Variants in HNRNPM observed in about 807,000 individuals in gnomAD.
HNRNPM encodes heterogeneous nuclear ribonucleoprotein M, also known as CEA receptor.
HNRNPM carries 11 observed loss-of-function variants against 73.1 expected under a neutral mutation model. The observed-to-expected ratio is 0.15, with a 90% CI of 0.09 to 0.25. HNRNPM has a LOEUF of 0.25. HNRNPM is among the 10% of genes least tolerant of loss of function. The probability of loss-of-function intolerance (pLI) is 1.00; values close to 1 mark genes in which losing one functional copy is unlikely to be tolerated. For synonymous variants in HNRNPM, 407 were observed against 355.2 expected (o/e 1.15, Z -1.64); for missense variants, 789 against 1,067.9 (o/e 0.74, Z 3.64).
At chr19:8,470,558 C>T (rs1228722546) in intron 9 of HNRNPM, among the ~76,000 whole-genome samples, 4 of 152,172 alleles carry the variant, frequency 2.6e-5, no homozygotes, top group African/African-American at 9.7e-5. Context: ...GAACTCCTGA[C>T]CTCACGTGAT....
At chr19:8,450,727 A>ATTTT (rs770745543) in intron 1 of HNRNPM, among the ~76,000 whole-genome samples, 170 of 125,392 alleles carry the variant, frequency 1.4e-3, no homozygotes, top group South Asian at 5.6e-3. Context: ...TATTATTATT[A>ATTTT]TTTTTTTTTT....
intron 5 of HNRNPM, 37 bp downstream of exon 5, chr19:8,463,723 A>T: frequency 7.5e-7 from 1 of 1,341,764 alleles, no homozygotes. Context: ...ACTGTGTGTA[A>T]TTGTTGAGTG....
intron 2 of HNRNPM, among the ~76,000 whole-genome samples, chr19:8,456,790 A>G (rs72998787): frequency 2.0e-4 from 30 of 152,328 alleles, no homozygotes; most frequent in Non-Finnish European, 3.8e-4. Flanking sequence ...GCATTTCTCC[A>G]GATAACACAG....
chr19:8,475,815 C>T (rs1171862460), intron 12 of HNRNPM, among the ~76,000 whole-genome samples: 1 of 151,878 alleles, frequency 6.6e-6, no homozygotes, highest in Non-Finnish European at 1.5e-5. Flanking sequence ...CGCCTGTAAT[C>T]CCAACACTTT....
At chr19:8,455,640 T>C in intron 2 of HNRNPM, 66 bp downstream of exon 2, 6 of 1,359,920 alleles carry the variant, frequency 4.4e-6, no homozygotes, top group Non-Finnish European at 6.2e-6. Flanking sequence ...GGCTAATTCC[T>C]TGGTTATTTT....
Position 8,466,598 on chromosome 19 carries a change from C to T in HNRNPM, c.784+210C>T, listed in dbSNP as rs560991385. On this transcript the variant is annotated intron_variant, in intron 7 of 15. Coordinates refer to ENST00000325495, the MANE Select transcript of HNRNPM (RefSeq NM_005968.5). ...ATCCCAGCACTTCGGGAGGCCAAGG[C>T]GGGCGGATCACTTGAGGTCAGTTCG... is the stretch of plus-strand genomic sequence containing the variant. Among the ~76,000 whole-genome samples the T allele has an allele frequency of 3.0e-4, 45 of 152,078 alleles. 1 individual carries two copies. Among genetic ancestry groups the T allele is most frequent in the Admixed American group, 2.0e-4 (3 of 15,284 alleles).
At chr19:8,477,561 A>G (rs1333419091) in intron 12 of HNRNPM, among the ~76,000 whole-genome samples, 1 of 149,818 alleles carries the variant, frequency 6.7e-6, no homozygotes, top group Non-Finnish European at 1.5e-5. Flanking sequence ...CTCAGGTGGG[A>G]GGATGACTTG....
intron 2 of HNRNPM, among the ~76,000 whole-genome samples, chr19:8,460,578 C>T (rs867226211): frequency 4.6e-5 from 7 of 152,194 alleles, no homozygotes; most frequent in African/African-American, 1.7e-4. Flanking sequence ...TTCTAAACCT[C>T]TCTTTTTGTT....
At chr19:8,460,857 T>G (rs1969350343) in intron 2 of HNRNPM, among the ~76,000 whole-genome samples, 1 of 152,206 alleles carries the variant, frequency 6.6e-6, no homozygotes, top group Non-Finnish European at 1.5e-5. Flanking sequence ...TGTGGCATTT[T>G]CATCAAAGTG....
chr19:8,453,042 A>G (rs1243236379), intron 1 of HNRNPM, among the ~76,000 whole-genome samples: 2 of 152,076 alleles, frequency 1.3e-5, no homozygotes, highest in Non-Finnish European at 2.9e-5. Context: ...ACAGGGTCTT[A>G]TTTGTCGAAC....
intron 8 of HNRNPM, among the ~76,000 whole-genome samples, chr19:8,468,231 G>C (rs1054278810): frequency 6.6e-6 from 1 of 152,100 alleles, no homozygotes; most frequent in African/African-American, 2.4e-5. Context: ...TGTTTGGTTA[G>C]CATCAAATCT....
chr19:8,468,170 A>G (rs1969886852), intron 8 of HNRNPM, among the ~76,000 whole-genome samples: 1 of 152,242 alleles, frequency 6.6e-6, no homozygotes, highest in South Asian at 2.1e-4. Context: ...ATCCGTTTCA[A>G]AGAATGGTTA....
intron 10 of HNRNPM, among the ~76,000 whole-genome samples, 177 bp downstream of exon 10, chr19:8,471,604 T>G (rs1970143729): frequency 6.6e-6 from 1 of 152,222 alleles, no homozygotes; most frequent in Non-Finnish European, 1.5e-5. Flanking sequence ...TTTATCAAGT[T>G]GAGTCATTTT....
At chr19:8,484,920 A>G (rs1971166300) in intron 13 of HNRNPM, among the ~76,000 whole-genome samples, 1 of 152,020 alleles carries the variant, frequency 6.6e-6, no homozygotes, top group Non-Finnish European at 1.5e-5. Flanking sequence ...CCCACTCTGC[A>G]GTGCCATCAA....
chr19:8,446,409 A>G (rs536919209), intron 1 of HNRNPM, among the ~76,000 whole-genome samples: 12 of 152,264 alleles, frequency 7.9e-5, no homozygotes, highest in African/African-American at 2.6e-4. Flanking sequence ...GAGCACTTAT[A>G]TATTTAATTT....
At position 8,485,831 on chromosome 19, in the gene HNRNPM, G is replaced by T; in HGVS notation, c.1403G>T (p.Ser468Ile). The change falls in exon 14 of 16, where the codon AGC (serine) becomes ATC (isoleucine). Residue 468 changes from serine (S) to isoleucine (I), a missense_variant. By Grantham distance (142) the Ser-to-Ile change is moderately radical. Transcript: ENST00000325495. ...CTGGGCCTCGACCACATGGCCTCCAGCATTGAGCGCATGGGCCAGACCATG... is the reference window on the plus strand; with the variant it reads ...CTGGGCCTCGACCACATGGCCTCCATCATTGAGCGCATGGGCCAGACCATG... ...GPLGLDHMAS[S>I]IERMGQTMER... 6.2e-7 allele frequency: 1 copy of T among 1,603,422 alleles called. No homozygotes were observed.
In HNRNPM at chr19:8,449,796, A is replaced by G. The variant is rs1228279884; in HGVS notation, c.113+4685A>G. Reference sequence around the variant, plus strand: ...GTGATCCGCCCGCCTCGGCCTCCCAAAGTGCTGGGATTACAGGCGTGAGCC... The same window carrying G: ...GTGATCCGCCCGCCTCGGCCTCCCAGAGTGCTGGGATTACAGGCGTGAGCC... On this transcript the variant is annotated intron_variant, in intron 1 of 15. Coordinates refer to ENST00000325495, the MANE Select transcript of HNRNPM (RefSeq NM_005968.5). Among the ~76,000 whole-genome samples the G allele has an allele frequency of 8.5e-5, 12 of 141,064 alleles. 6 individuals carry two copies. Among genetic ancestry groups the G allele is most frequent in the African/African-American group, 3.1e-4 (12 of 39,280 alleles). 92.5% of individuals were successfully genotyped at this position (141,064 alleles called of 152,430 possible). A position where few individuals can be genotyped will look rare whatever the true frequency, so the allele number is the denominator to read the frequency against.
intron 12 of HNRNPM, among the ~76,000 whole-genome samples, chr19:8,482,154 G>A (rs937736040): frequency 4.6e-5 from 7 of 151,964 alleles, no homozygotes; most frequent in South Asian, 2.1e-4. Flanking sequence ...TAGTAGAGAC[G>A]GGGTTTCACC....
At chr19:8,482,155 G>A (rs555272923) in intron 12 of HNRNPM, among the ~76,000 whole-genome samples, 13 of 152,136 alleles carry the variant, frequency 8.5e-5, no homozygotes, top group African/African-American at 3.1e-4. Flanking sequence ...AGTAGAGACG[G>A]GGTTTCACCA....
Sources: allele counts gnomAD v4.1 joint callset (sites outside exome capture counted in the v4.1 genomes callset), GRCh38; gene constraint gnomAD v4.1.1; transcripts MANE v1.5; gene names NCBI Gene and HGNC (gene_info 2026-07-23, HGNC 2026-07-21).